The following JARID2 variants were observed in gnomAD, a reference collection of about 807,000 sequenced individuals.
JARID2 encodes the protein protein Jumonji.
A neutral mutation model predicts 125.6 loss-of-function variants in JARID2; 21 were observed. The observed-to-expected ratio is 0.17, with a 90% CI of 0.12 to 0.24. The LOEUF (loss-of-function observed/expected upper bound fraction) is 0.24. Ranked by LOEUF, JARID2 falls within the 10% of genes least tolerant of loss-of-function variation. The pLI is 1.00. For synonymous variants in JARID2, 736 were observed against 661.6 expected (o/e 1.11, Z -1.73); for missense variants, 1,303 against 1,639.6 (o/e 0.79, Z 3.55).
chr6:15,474,920 T>A (rs1769266777), intron 5 of JARID2, among the ~76,000 whole-genome samples: 1 of 152,258 alleles, frequency 6.6e-6, no homozygotes, highest in South Asian at 2.1e-4. Flanking sequence ...TACTGTTGCA[T>A]CCTCCAAGCA....
In JARID2 at chr6:15,297,186, TG is replaced by T. The variant is rs1483694278; in HGVS notation, c.45+50603del. Among the ~76,000 whole-genome samples the T allele has an allele frequency of 3.3e-5, 5 of 152,340 alleles. No individual in the cohort carries two copies. In the East Asian group the frequency reaches 7.7e-4, roughly 24 times the overall value. ...ATTTTTTTGAGAAGGAGTCTCACTC[TG>T]TTGCCCAGGCTGGAGTGCAGTGGTG... On this transcript the variant is annotated intron_variant, in intron 1 of 17. Transcript: ENST00000341776.
intron 1 of JARID2, among the ~76,000 whole-genome samples, chr6:15,327,447 G>A (rs1038970337): frequency 3.9e-5 from 6 of 152,122 alleles, no homozygotes; most frequent in African/African-American, 1.4e-4. Flanking sequence ...GGCCACGAGG[G>A]GGAGATCTGA....
intron 6 of JARID2, among the ~76,000 whole-genome samples, chr6:15,487,973 C>T (rs555028016): frequency 5.3e-5 from 8 of 152,332 alleles, no homozygotes; most frequent in South Asian, 2.1e-4. Context: ...ATTTCACCAC[C>T]TGGCCTTTGA....
At chr6:15,395,524 C>CA (rs1224880250) in intron 2 of JARID2, among the ~76,000 whole-genome samples, 2 of 152,144 alleles carry the variant, frequency 1.3e-5, no homozygotes, top group African/African-American at 4.8e-5. Context: ...CTCAGCCTCT[C>CA]AAAGTGCTGG....
intron 1 of JARID2, among the ~76,000 whole-genome samples, chr6:15,266,803 C>T (rs1235301202): frequency 6.6e-6 from 1 of 152,170 alleles, no homozygotes; most frequent in Non-Finnish European, 1.5e-5. Context: ...CAGGAGACCT[C>T]GCCAGTGGCC....
intron 1 of JARID2, among the ~76,000 whole-genome samples, chr6:15,331,335 C>CA (rs201473981): frequency 0.014 from 1,406 of 99,828 alleles, 11 homozygotes; most frequent in Middle Eastern, 0.043. Flanking sequence ...GATCCTGCCT[C>CA]AAAAAAAACA....
intron 6 of JARID2, among the ~76,000 whole-genome samples, chr6:15,490,420 TC>T (rs1333460894): frequency 6.6e-6 from 1 of 152,144 alleles, no homozygotes; most frequent in Non-Finnish European, 1.5e-5. Context: ...TAAAACCACT[TC>T]CCCTCGTGCG....
At chr6:15,473,538 G>T (rs1769191991) in intron 5 of JARID2, among the ~76,000 whole-genome samples, 1 of 50,232 alleles carries the variant, frequency 2.0e-5, no homozygotes, top group Non-Finnish European at 4.4e-5. Flanking sequence ...CCCGCTTTGT[G>T]TCCTGCCACC....
intron 3 of JARID2, among the ~76,000 whole-genome samples, chr6:15,439,573 C>G (rs1338835428): frequency 6.6e-6 from 1 of 152,170 alleles, no homozygotes; most frequent in East Asian, 1.9e-4. Context: ...GGAAAATGGG[C>G]TTAAGCAGGA....
At chr6:15,425,123 A>G (rs527311905) in intron 3 of JARID2, among the ~76,000 whole-genome samples, 9 of 152,304 alleles carry the variant, frequency 5.9e-5, no homozygotes, top group African/African-American at 1.7e-4. Context: ...CTCACCTTAA[A>G]TAAGTCAATG....
intron 1 of JARID2, among the ~76,000 whole-genome samples, chr6:15,257,040 G>T (rs1274530912): frequency 6.6e-6 from 1 of 152,158 alleles, no homozygotes; most frequent in African/African-American, 2.4e-5. Flanking sequence ...TAGTACTGTT[G>T]TAAAGTGACC....
At chr6:15,330,364 A>G (rs1177725584) in intron 1 of JARID2, among the ~76,000 whole-genome samples, 1 of 152,260 alleles carries the variant, frequency 6.6e-6, no homozygotes, top group Non-Finnish European at 1.5e-5. Flanking sequence ...ATCCTGCGCC[A>G]GCATTGGAAT....
chr6:15,358,400 A>G (rs1344606452), intron 1 of JARID2, among the ~76,000 whole-genome samples: 2 of 152,220 alleles, frequency 1.3e-5, no homozygotes, highest in African/African-American at 2.4e-5. Context: ...GAAGAATCAC[A>G]ACAGAGTTTC....
intron 1 of JARID2, 136 bp downstream of exon 1, chr6:15,246,720 G>A: frequency 2.4e-6 from 2 of 820,204 alleles, no homozygotes; most frequent in Non-Finnish European, 4.0e-6. Flanking sequence ...TTTTCTGAAA[G>A]AGGGCTTTTC....
chr6:15,450,430 A>T (rs1266034921), intron 3 of JARID2, among the ~76,000 whole-genome samples: 2 of 152,070 alleles, frequency 1.3e-5, no homozygotes, highest in Non-Finnish European at 2.9e-5. Flanking sequence ...TCGGCCTCCC[A>T]AAGTGCTAGG....
At chr6:15,516,603 G>A (rs1561921157) in intron 16 of JARID2, among the ~76,000 whole-genome samples, 2 of 152,260 alleles carry the variant, frequency 1.3e-5, no homozygotes, top group Non-Finnish European at 2.9e-5. Context: ...GGGGGAGTTT[G>A]CATGGGGTCG....
intron 1 of JARID2, among the ~76,000 whole-genome samples, chr6:15,347,301 G>T (rs749688875): frequency 6.6e-6 from 1 of 152,208 alleles, no homozygotes; most frequent in Non-Finnish European, 1.5e-5. Flanking sequence ...AAGGAAGTAT[G>T]TTGATGAAAT....
chr6:15,251,382 A>G (rs968995911), intron 1 of JARID2, among the ~76,000 whole-genome samples: 2 of 152,106 alleles, frequency 1.3e-5, no homozygotes, highest in Non-Finnish European at 2.9e-5. Context: ...CACTCCTGAC[A>G]TTGTCTGAAT....
intron 2 of JARID2, among the ~76,000 whole-genome samples, chr6:15,409,698 A>G (rs1053333850): frequency 5.3e-5 from 8 of 152,196 alleles, no homozygotes; most frequent in African/African-American, 1.4e-4. Flanking sequence ...TCCGGTTACA[A>G]TCTAATCTTG....
Sources: gnomAD v4.1 joint callset for allele counts (sites outside exome capture counted in the v4.1 genomes callset) on GRCh38, gnomAD v4.1.1 for gene constraint, MANE v1.5 for transcripts, NCBI Gene and HGNC (gene_info 2026-07-23, HGNC 2026-07-21) for gene names.